The following THADA variants were observed in gnomAD, a reference collection of about 807,000 sequenced individuals.
THADA encodes THADA armadillo repeat containing.
In THADA, 213 loss-of-function variants were observed where a neutral mutation model predicts 219.8. That is an observed-to-expected ratio of 0.97 (90% confidence interval 0.87 to 1.09). The LOEUF is 1.09. THADA is among the 50% of genes least tolerant of loss of function. The pLI is 0.00. For synonymous variants in THADA, 1,018 were observed against 828.9 expected, an observed-to-expected ratio of 1.23 and a Z score of -3.92; for missense variants, 2,956 against 2,311.3, an observed-to-expected ratio of 1.28 and a Z score of -5.72.
chr2:43,521,145 G>T (rs116216208), intron 22 of THADA, among the ~76,000 whole-genome samples: 1 of 147,274 alleles, frequency 6.8e-6, no homozygotes, highest in African/African-American at 2.5e-5. Context: ...AGGTAGGGAA[G>T]GGAGGGAAGG....
At chr2:43,342,351 C>T (rs527843677) in intron 30 of THADA, among the ~76,000 whole-genome samples, 2 of 152,340 alleles carry the variant, frequency 1.3e-5, no homozygotes, top group East Asian at 3.9e-4. Context: ...TTGAGATACA[C>T]ACATCCACAC....
chr2:43,289,504 G>T (rs1387060509), intron 34 of THADA, among the ~76,000 whole-genome samples: 1 of 152,052 alleles, frequency 6.6e-6, no homozygotes, highest in Non-Finnish European at 1.5e-5. Context: ...TTTTCTCCCT[G>T]GAAAACTCCC....
intron 30 of THADA, among the ~76,000 whole-genome samples, chr2:43,341,136 T>C (rs1426520604): frequency 6.6e-6 from 1 of 152,226 alleles, no homozygotes. Context: ...TGTAAAAGTG[T>C]GCTGGGGAGC....
intron 26 of THADA, among the ~76,000 whole-genome samples, chr2:43,458,452 G>A (rs1683266872): frequency 6.6e-6 from 1 of 152,078 alleles, no homozygotes; most frequent in South Asian, 2.1e-4. Context: ...CTATTAAATG[G>A]GGATAACTAT....
At chr2:43,587,861 A>G (rs1158102292) in intron 4 of THADA, among the ~76,000 whole-genome samples, 1 of 152,236 alleles carries the variant, frequency 6.6e-6, no homozygotes, top group Non-Finnish European at 1.5e-5. Flanking sequence ...ATAAAAATTT[A>G]TCAAATGAGT....
intron 17 of THADA, among the ~76,000 whole-genome samples, chr2:43,555,486 T>C (rs541305405): frequency 4.2e-4 from 64 of 152,230 alleles, no homozygotes; most frequent in African/African-American, 1.5e-3. Context: ...ATGTCTTGAA[T>C]TGAAAGCCTT....
chr2:43,254,062 G>C (rs1327408228), intron 36 of THADA, among the ~76,000 whole-genome samples: 5 of 151,950 alleles, frequency 3.3e-5, no homozygotes. Context: ...ACCCGCTCCA[G>C]ACAGGTTCCA....
At chr2:43,539,284 T>C (rs1694999125) in intron 21 of THADA, among the ~76,000 whole-genome samples, 1 of 152,254 alleles carries the variant, frequency 6.6e-6, no homozygotes, top group Non-Finnish European at 1.5e-5. Flanking sequence ...TGGAAGGGTG[T>C]ACCTCAGGTG....
Position 43,232,695 on chromosome 2 carries a change from C to G in THADA, c.5466+18G>C, listed in dbSNP as rs1282237350. 1 of 1,612,982 alleles carries G rather than the reference C, an allele frequency of 6.2e-7. No individual in the cohort carries two copies. Among genetic ancestry groups the G allele is most frequent in the East Asian group, 2.2e-5 (1 of 44,854 alleles). On this transcript the variant is annotated intron_variant, in intron 37 of 37. Coordinates refer to ENST00000405975, the MANE Select transcript of THADA (RefSeq NM_022065.5). ...CACTCCAACCCTGCCTCCTACTCCC[C>G]TGACACCCCGGGATCACCTGATGCA...
intron 30 of THADA, among the ~76,000 whole-genome samples, chr2:43,334,875 C>T (rs967232289): frequency 4.6e-5 from 7 of 152,170 alleles, no homozygotes; most frequent in African/African-American, 1.7e-4. Context: ...CCATAGAGAG[C>T]CCTGGGGCCA....
chr2:43,311,489 T>G (rs1677506926), intron 31 of THADA, among the ~76,000 whole-genome samples: 1 of 152,246 alleles, frequency 6.6e-6, no homozygotes, highest in Non-Finnish European at 1.5e-5. Context: ...AGAGTTGGCA[T>G]ATGGCCCAGA....
intron 7 of THADA, among the ~76,000 whole-genome samples, 163 bp from the exon 8 acceptor site, chr2:43,582,091 T>C (rs1340101230): frequency 6.6e-6 from 1 of 152,234 alleles, no homozygotes; most frequent in East Asian, 1.9e-4. Context: ...TCCAATTATG[T>C]AGACATTAAT....
intron 29 of THADA, among the ~76,000 whole-genome samples, chr2:43,369,100 C>T (rs1670506565): frequency 6.6e-6 from 1 of 152,214 alleles, no homozygotes; most frequent in South Asian, 2.1e-4. Context: ...TCGTTTCCCA[C>T]AACTCTTACT....
At chr2:43,575,053 T>A in intron 10 of THADA, 26 bp from the exon 11 acceptor site, 1 of 1,551,438 alleles carries the variant, frequency 6.4e-7, no homozygotes, top group Non-Finnish European at 8.7e-7. Context: ...CCATGAGCCA[T>A]TATTGTAAAC....
At chr2:43,414,281 C>G (rs1242024440) in intron 28 of THADA, among the ~76,000 whole-genome samples, 2 of 152,164 alleles carry the variant, frequency 1.3e-5, no homozygotes, top group Non-Finnish European at 2.9e-5. Context: ...TTTAAGTGTA[C>G]AGTTCAGTGG....
chr2:43,320,040 G>A, intron 31 of THADA, among the ~76,000 whole-genome samples: 1 of 152,128 alleles, frequency 6.6e-6, no homozygotes, highest in South Asian at 2.1e-4. Flanking sequence ...TGTAGGGGTC[G>A]ATTTGAGAAG....
chr2:43,565,749 A>G (rs1356758948), intron 15 of THADA: 2 of 152,288 alleles, frequency 1.3e-5, no homozygotes, highest in African/African-American at 4.8e-5. Context: ...AGCACAAGCA[A>G]GAAATCCCAC....
intron 24 of THADA, among the ~76,000 whole-genome samples, chr2:43,501,760 G>C (rs1028275363): frequency 6.6e-6 from 1 of 151,858 alleles, no homozygotes; most frequent in Non-Finnish European, 1.5e-5. Flanking sequence ...TCTGGCCAAC[G>C]TGGTGAAACC....
At chr2:43,578,807 G>A (rs1456411438) in intron 8 of THADA, among the ~76,000 whole-genome samples, 200 bp from the exon 9 acceptor site, 1 of 152,160 alleles carries the variant, frequency 6.6e-6, no homozygotes, top group Non-Finnish European at 1.5e-5. Context: ...ACTCTTAACT[G>A]AGGCAGTGTC....
Sources: gnomAD v4.1 joint callset for allele counts (sites outside exome capture counted in the v4.1 genomes callset) on GRCh38, gnomAD v4.1.1 for gene constraint, MANE v1.5 for transcripts, NCBI Gene and HGNC (gene_info 2026-07-23, HGNC 2026-07-21) for gene names.